The following MFSD2A variants were observed in gnomAD, a reference collection of about 807,000 sequenced individuals.
The protein encoded by MFSD2A is MFSD2 lysolipid transporter A, lysophospholipid, also known as sodium-dependent lysophosphatidylcholine symporter 1.
MFSD2A carries 27 observed loss-of-function variants against 64.7 expected under a neutral mutation model. The ratio of observed to expected loss-of-function variants is 0.42; its 90% confidence interval spans 0.31 to 0.58. The LOEUF (loss-of-function observed/expected upper bound fraction) is 0.58, where lower values mean the gene tolerates loss of function less well. Ranked by LOEUF, MFSD2A falls within the 20% of genes least tolerant of loss-of-function variation. The pLI is 0.18. For synonymous variants in MFSD2A, 258 were observed against 273.4 expected (o/e 0.94, Z 0.55); for missense variants, 474 against 679.5 (o/e 0.70, Z 3.36).
Position 39,957,144 on chromosome 1 carries a change from C to G in MFSD2A, c.151C>G (p.Leu51Val). The change falls in exon 2 of 14, where the codon CTT becomes GTT. Residue 51 changes from leucine (L) to valine (V), a missense_variant. Transcript: ENST00000372811. Reference protein sequence around the residue: ...LSVCNKLCYALGGAPYQVTGC... With the variant: ...LSVCNKLCYAVGGAPYQVTGC... Reference sequence around the variant, plus strand: ...TGTTTGCAACAAGCTTTGCTATGCACTTGGGGGAGCCCCCTACCAGGTGAC... The same window carrying G: ...TGTTTGCAACAAGCTTTGCTATGCAGTTGGGGGAGCCCCCTACCAGGTGAC... 6.2e-7 allele frequency: 1 copy of G among 1,613,874 alleles called. No individual in the cohort carries two copies. The highest frequency in any genetic ancestry group is 2.2e-5 in the East Asian group (1 of 44,892).
At chr1:39,959,884 C>T (rs774066611) in intron 3 of MFSD2A, among the ~76,000 whole-genome samples, 4 of 152,224 alleles carry the variant, frequency 2.6e-5, no homozygotes, top group Non-Finnish European at 5.9e-5. Flanking sequence ...AGGGGAACTG[C>T]AGAATCCTGG....
chr1:39,961,626 C>A (rs936802183), intron 3 of MFSD2A, among the ~76,000 whole-genome samples: 1 of 152,122 alleles, frequency 6.6e-6, no homozygotes, highest in African/African-American at 2.4e-5. Flanking sequence ...GGATTACAGG[C>A]GTGAGCCACT....
Position 39,969,744 on chromosome 1 carries a change from G to T in MFSD2A, c.*176G>T, listed in dbSNP as rs1044732580. 4.4e-5 allele frequency: 27 copies of T among 619,862 alleles called. No individual in the cohort carries two copies. Among genetic ancestry groups the T allele is most frequent in the Non-Finnish European group, 6.7e-5 (24 of 359,372 alleles). The allele number at this position is 619,862 out of a possible 1,614,324, so 38.4% of individuals were successfully genotyped here. ...GGGGCCGGCTGCTCTGTGGCCTCCT[G>T]CCTCCCCTCTGCCTGCCTGTGGGGC... On this transcript the variant is annotated 3_prime_UTR_variant, in exon 14 of 14. Coordinates refer to ENST00000372811, the MANE Select transcript of MFSD2A (RefSeq NM_032793.5).
rs998834512 is a variant in MFSD2A at position 39,955,442 on chromosome 1, G to A, written c.93+57G>A. The A allele has an allele frequency of 6.7e-7, 1 of 1,487,588 alleles. No homozygotes were observed. The highest frequency in any genetic ancestry group is 1.4e-5 in the African/African-American group (1 of 71,408). 92.1% of individuals were successfully genotyped at this position (1,487,588 alleles called of 1,614,324 possible). A position where few individuals can be genotyped will look rare whatever the true frequency, so the allele number is the denominator to read the frequency against. On this transcript the variant is annotated intron_variant, in intron 1 of 13. Coordinates refer to ENST00000372811, the MANE Select transcript of MFSD2A (RefSeq NM_032793.5). This position sits in a 1 kb window ranked among gnomAD's most constrained non-coding sequence, Gnocchi z 5.9. ...GGGGAGGGAGGAGGCGGAAATGGGG[G>A]ATCAGGGGCGTCCCGGGGTCGGCCT... is the stretch of plus-strand genomic sequence containing the variant.
In MFSD2A at chr1:39,958,671, G is replaced by A. The variant is rs1199613745; in HGVS notation, c.229-30G>A. 1 of 1,613,990 alleles carries A rather than the reference G, an allele frequency of 6.2e-7. No individual in the cohort carries two copies. The highest frequency in any genetic ancestry group is 2.2e-5 in the East Asian group (1 of 44,890). On this transcript the variant is annotated intron_variant, in intron 2 of 13. Coordinates refer to ENST00000372811, the MANE Select transcript of MFSD2A (RefSeq NM_032793.5). This position sits in a 1 kb window ranked among gnomAD's most constrained non-coding sequence, Gnocchi z 4.7. ...GAGTTGAGGCGAGTAGAAGGATGAG[G>A]AAGTTGTCTTTTGCTTCTCCTCATT...
intron 3 of MFSD2A, among the ~76,000 whole-genome samples, chr1:39,959,437 G>A (rs919692778): frequency 5.9e-5 from 9 of 151,876 alleles, no homozygotes; most frequent in South Asian, 2.1e-4. Flanking sequence ...ATTATTTGTA[G>A]AGACAGCGTC....
intron 3 of MFSD2A, among the ~76,000 whole-genome samples, chr1:39,961,309 C>T (rs1329446948): frequency 2.5e-4 from 21 of 83,298 alleles, no homozygotes; most frequent in Non-Finnish European, 3.9e-4. Flanking sequence ...ACCAGGAAGA[C>T]TTTTCTTCCC....
At chr1:39,961,042 T>G (rs999925229) in intron 3 of MFSD2A, among the ~76,000 whole-genome samples, 18 of 152,134 alleles carry the variant, frequency 1.2e-4, no homozygotes, top group African/African-American at 4.1e-4. Context: ...CTCAAACTCC[T>G]GGGCTGGAGC....
Position 39,957,079 on chromosome 1 carries a change from C to G in MFSD2A, c.94-8C>G. ...CTTGGGCCTTTCATCTTTTCCTCCT[C>G]TTCCCAGAAAGAACCGAAAAAGAAG... is the stretch of plus-strand genomic sequence containing the variant. On this transcript the variant is annotated splice_polypyrimidine_tract_variant and splice_region_variant and intron_variant, in intron 1 of 13. Coordinates refer to ENST00000372811, the MANE Select transcript of MFSD2A (RefSeq NM_032793.5). 1.2e-6 allele frequency: 2 copies of G among 1,614,152 alleles called. No homozygotes were observed. The highest frequency in any genetic ancestry group is 1.7e-6 in the Non-Finnish European group (2 of 1,180,018).
In MFSD2A at chr1:39,965,788, C is replaced by A; in HGVS notation, c.557-69C>A. On this transcript the variant is annotated intron_variant, in intron 5 of 13. Transcript: ENST00000372811. The surrounding 1 kb of genome is among the most constrained non-coding windows in gnomAD (Gnocchi z 5.5). ...CTGGAGCTACCGCTGGGCTCCCACC[C>A]ATTTGACCTTCCTCCCTGGGCCCAC... The A allele has an allele frequency of 6.3e-7, 1 of 1,591,368 alleles. No homozygotes were observed.
At position 39,963,199 on chromosome 1, in the gene MFSD2A, G is replaced by GT. The variant is rs373099480; in HGVS notation, c.354-2011dup. 2.6e-4 allele frequency: 405 copies of GT among 1,578,632 alleles called. 1 individual carries two copies. The African/African-American group carries it at 5.0e-3, about 19-fold the overall frequency. ...CCCAAGAAGCTGCTCATGATGGCTG[G>GT]TATCGATGACTGCTACACCTCAGCC... On this transcript the variant is annotated intron_variant, in intron 3 of 13. Transcript: ENST00000372811. The surrounding 1 kb of genome is among the most constrained non-coding windows in gnomAD (Gnocchi z 4.2).
chr1:39,956,419 G>A lies in MFSD2A; in HGVS notation c.94-668G>A, dbSNP rs935242423. 2.0e-5 allele frequency among the ~76,000 whole-genome samples: 3 copies of A among 152,236 alleles called. No individual in the cohort carries two copies. In the East Asian group the frequency reaches 5.8e-4, roughly 29 times the overall value. Reference sequence around the variant, plus strand: ...ATCCTGTCTCTGAGGCAGGGTGGGAGCCTGGGCTGGGCTCAGGCAGCTCTT... The same window carrying A: ...ATCCTGTCTCTGAGGCAGGGTGGGAACCTGGGCTGGGCTCAGGCAGCTCTT... On this transcript the variant is annotated intron_variant, in intron 1 of 13. Transcript: ENST00000372811.
In MFSD2A at chr1:39,958,197, A is replaced by T. The variant is rs899582952; in HGVS notation, c.229-504A>T. 6.6e-6 allele frequency among the ~76,000 whole-genome samples: 1 copy of T among 151,856 alleles called. No homozygotes were observed. The highest frequency in any genetic ancestry group is 1.5e-5 in the Non-Finnish European group (1 of 67,948). ...GGGGGGTTTTGGGGCGGGGAGGGGG[A>T]TAACTTGAGTGGGTAGTGACAAGTC... On this transcript the variant is annotated intron_variant, in intron 2 of 13. Coordinates refer to ENST00000372811, the MANE Select transcript of MFSD2A (RefSeq NM_032793.5). This position sits in a 1 kb window ranked among gnomAD's most constrained non-coding sequence, Gnocchi z 4.7.
rs906274550 is a variant in MFSD2A, at chr1:39,963,306, G to A, written c.354-1905G>A. Reference sequence around the variant, plus strand: ...TAAGACCTACAGCTACCTGACCCCCGACCTCTGGAAGGAGACTGTATTCAC... The same window carrying A: ...TAAGACCTACAGCTACCTGACCCCCAACCTCTGGAAGGAGACTGTATTCAC... On this transcript the variant is annotated intron_variant, in intron 3 of 13. Coordinates refer to ENST00000372811, the MANE Select transcript of MFSD2A (RefSeq NM_032793.5). This position sits in a 1 kb window ranked among gnomAD's most constrained non-coding sequence, Gnocchi z 4.2. The A allele has an allele frequency of 6.1e-6, 8 of 1,316,094 alleles. No individual in the cohort carries two copies. The highest frequency in any genetic ancestry group is 3.7e-5 in the South Asian group (3 of 81,516). 81.5% of individuals were successfully genotyped at this position (1,316,094 alleles called of 1,614,324 possible).
In MFSD2A at chr1:39,964,658, GTGTGTGAATGGGGTGTGTGAAGTGTGTA is replaced by G. The variant is rs1645115216; in HGVS notation, c.354-548_354-521del. 1 of 154,394 alleles carries G rather than the reference GTGTGTGAATGGGGTGTGTGAAGTGTGTA, an allele frequency of 6.5e-6. No homozygotes were observed. The highest frequency in any genetic ancestry group is 2.4e-5 in the African/African-American group (1 of 41,430). The allele number at this position is 154,394 out of a possible 1,614,324, so 9.6% of individuals were successfully genotyped here. A position where few individuals can be genotyped will look rare whatever the true frequency, so the allele number is the denominator to read the frequency against. On this transcript the variant is annotated intron_variant, in intron 3 of 13. Coordinates refer to ENST00000372811, the MANE Select transcript of MFSD2A (RefSeq NM_032793.5). The surrounding 1 kb of genome is among the most constrained non-coding windows in gnomAD (Gnocchi z 4.1). Reference sequence around the variant, plus strand: ...CCTGTGTGTGAATGGGTGTGTGTGTGTGTGTGAATGGGGTGTGTGAAGTGTGTATGTGAATGGGGGTGTGTGTGAATGG... The same window carrying G: ...CCTGTGTGTGAATGGGTGTGTGTGTGTGTGAATGGGGGTGTGTGTGAATGG...
intron 1 of MFSD2A, among the ~76,000 whole-genome samples, chr1:39,956,865 G>A (rs1485199290): frequency 5.2e-5 from 7 of 135,404 alleles, no homozygotes; most frequent in Admixed American, 2.5e-4. Flanking sequence ...GCAGTGAGCC[G>A]AGATGGCACC....
chr1:39,968,002 G>A lies in MFSD2A; in HGVS notation c.1208+86G>A. 3.6e-6 allele frequency: 3 copies of A among 825,222 alleles called. No homozygotes were observed. Among genetic ancestry groups the A allele is most frequent in the Non-Finnish European group, 5.7e-6 (3 of 524,312 alleles). The allele number at this position is 825,222 out of a possible 1,614,324, so 51.1% of individuals were successfully genotyped here. On this transcript the variant is annotated intron_variant, in intron 11 of 13. Coordinates refer to ENST00000372811, the MANE Select transcript of MFSD2A (RefSeq NM_032793.5). The surrounding 1 kb of genome is among the most constrained non-coding windows in gnomAD (Gnocchi z 4.4). ...CTCCTTAGGGAGAGTTCTATGCAGTGTTCTCCCACAGGCCATTCTGTGGGT... is the reference window on the plus strand; with the variant it reads ...CTCCTTAGGGAGAGTTCTATGCAGTATTCTCCCACAGGCCATTCTGTGGGT...
chr1:39,962,750 C>T (rs1645072394), intron 3 of MFSD2A: 1 of 907,584 alleles, frequency 1.1e-6, no homozygotes, highest in Non-Finnish European at 1.8e-6. Context: ...AGCTGGGCCG[C>T]TTGGTGAAGG....
At chr1:39,966,550 G>A (rs1306590919) in intron 6 of MFSD2A, 51 bp from the exon 7 acceptor site, 1 of 1,489,308 alleles carries the variant, frequency 6.7e-7, no homozygotes, top group African/African-American at 1.4e-5. Context: ...CTGGGGTGCT[G>A]GGATGAGCTC....
Sources: allele counts gnomAD v4.1 joint callset (sites outside exome capture counted in the v4.1 genomes callset), GRCh38; gene constraint gnomAD v4.1.1; non-coding constraint Gnocchi (gnomAD v3.1); transcripts MANE v1.5; gene names NCBI Gene and HGNC (gene_info 2026-07-23, HGNC 2026-07-21).